Variants in PTPRT observed in about 807,000 individuals in gnomAD.
PTPRT encodes protein tyrosine phosphatase receptor type T.
PTPRT carries 56 observed loss-of-function variants against 176.8 expected under a neutral mutation model. The observed-to-expected ratio is 0.32, with a 90% CI of 0.26 to 0.40. The LOEUF is 0.40. Among genes scored for constraint, PTPRT ranks in the 10% least tolerant of loss-of-function variants. The pLI is 1.00. For missense variants in PTPRT, 1,540 were observed against 1,908.2 expected (o/e 0.81, Z 3.60); for synonymous variants, 783 against 739.0 (o/e 1.06, Z -0.96).
chr20:42,702,957 T>G (rs1031188044), intron 6 of PTPRT, among the ~76,000 whole-genome samples: 1 of 152,170 alleles, frequency 6.6e-6, no homozygotes, highest in Admixed American at 6.5e-5. Context: ...CCCTATCCCA[T>G]AGCCAGCCCA....
At chr20:42,394,194 G>T (rs574303978) in intron 9 of PTPRT, among the ~76,000 whole-genome samples, 1 of 151,964 alleles carries the variant, frequency 6.6e-6, no homozygotes, top group Non-Finnish European at 1.5e-5. Flanking sequence ...ACTGATTTGC[G>T]TGGTATTTAC....
intron 8 of PTPRT, among the ~76,000 whole-genome samples, chr20:42,460,212 G>A (rs1237314046): frequency 2.0e-5 from 3 of 152,160 alleles, no homozygotes; most frequent in African/African-American, 7.2e-5. Context: ...ATTAACATAT[G>A]GATGGATTTT....
downstream of PTPRT, among the ~76,000 whole-genome samples, chr20:42,068,241 G>A (rs1982161766): frequency 6.6e-6 from 1 of 152,186 alleles, no homozygotes; most frequent in Non-Finnish European, 1.5e-5. Context: ...GAGCTGCAGA[G>A]CCTGTCTGAG....
chr20:42,067,188 T>G, the PTPRT span, among the ~76,000 whole-genome samples: 1 of 152,206 alleles, frequency 6.6e-6, no homozygotes, highest in South Asian at 2.1e-4. Context: ...TGTGCTGTTA[T>G]TTTTCTTTAG....
intron 1 of PTPRT, among the ~76,000 whole-genome samples, chr20:43,121,899 C>T (rs2013275295): frequency 6.6e-6 from 1 of 152,116 alleles, no homozygotes; most frequent in South Asian, 2.1e-4. Flanking sequence ...ATAAAGTGTT[C>T]TATGAGGACA....
chr20:43,173,364 T>G (rs1412748817), intron 1 of PTPRT, among the ~76,000 whole-genome samples: 1 of 152,182 alleles, frequency 6.6e-6, no homozygotes, highest in Non-Finnish European at 1.5e-5. Flanking sequence ...AAATCAGAGA[T>G]AAAATTATGC....
intron 2 of PTPRT, among the ~76,000 whole-genome samples, chr20:42,797,494 C>G (rs6030479): frequency 1.3e-5 from 2 of 152,110 alleles, no homozygotes; most frequent in African/African-American, 4.8e-5. Context: ...CTTACACATC[C>G]TGACCCCCAC....
chr20:42,388,374 C>A (rs1394224148), intron 9 of PTPRT, among the ~76,000 whole-genome samples: 3 of 152,166 alleles, frequency 2.0e-5, no homozygotes, highest in Non-Finnish European at 4.4e-5. Flanking sequence ...GCAACCTACT[C>A]ATCTGACAAA....
chr20:42,819,750 A>T (rs912143778), intron 2 of PTPRT, among the ~76,000 whole-genome samples: 1 of 152,036 alleles, frequency 6.6e-6, no homozygotes, highest in South Asian at 2.1e-4. Context: ...AATAAAAAAA[A>T]ATAAAAAAGC....
At chr20:42,320,239 C>T (rs950910518) in intron 11 of PTPRT, among the ~76,000 whole-genome samples, 2 of 152,146 alleles carry the variant, frequency 1.3e-5, no homozygotes, top group African/African-American at 4.8e-5. Context: ...ACCCTCAGAA[C>T]CTCTCCATAG....
chr20:42,214,151 G>A (rs1217496147), intron 15 of PTPRT, among the ~76,000 whole-genome samples: 1 of 152,156 alleles, frequency 6.6e-6, no homozygotes, highest in Non-Finnish European at 1.5e-5. Context: ...CAGAGGCAGA[G>A]CTAGGATTCA....
chr20:42,084,763 G>A lies in PTPRT; in HGVS notation c.4055C>T (p.Ser1352Phe), dbSNP rs1983703867. Reference sequence around the variant, plus strand: ...CAGTCGTCGGACCACTTTGAGCAGAGAGCGCTTGGAGGGGGGCGTGTCCCG... The same window carrying A: ...CAGTCGTCGGACCACTTTGAGCAGAAAGCGCTTGGAGGGGGGCGTGTCCCG... Reference protein sequence around the residue: ...AYRDTPPSKRSLLKVVRRLEK... With the variant: ...AYRDTPPSKRFLLKVVRRLEK... The change falls in exon 29 of 31, where the codon TCT becomes TTT. Residue 1352 changes from serine (S) to phenylalanine (F), a missense_variant. Around this residue, in one of 11 missense-constraint regions of PTPRT, gnomAD observed 342 missense variants for 394.0 expected, o/e 0.87. Coordinates refer to ENST00000373187, the MANE Select transcript of PTPRT (RefSeq NM_007050.6). 1.3e-6 allele frequency: 2 copies of A among 1,563,604 alleles called. No individual in the cohort carries two copies. The highest frequency in any genetic ancestry group is 8.7e-7 in the Non-Finnish European group (1 of 1,151,078).
At chr20:42,051,652 C>A in the PTPRT span, among the ~76,000 whole-genome samples, 1 of 152,230 alleles carries the variant, frequency 6.6e-6, no homozygotes, top group South Asian at 2.1e-4. Flanking sequence ...TTTTGGGGAA[C>A]AAGGGGGAGA....
At chr20:42,758,199 T>C (rs913534480) in intron 5 of PTPRT, among the ~76,000 whole-genome samples, 1 of 152,240 alleles carries the variant, frequency 6.6e-6, no homozygotes, top group Non-Finnish European at 1.5e-5. Flanking sequence ...CCTTATGACT[T>C]ATGATTCTCA....
At chr20:42,104,133 GAGCATA>G (rs112631564) in intron 25 of PTPRT, among the ~76,000 whole-genome samples, 76 of 152,300 alleles carry the variant, frequency 5.0e-4, no homozygotes, top group African/African-American at 1.8e-3. Flanking sequence ...TTTCGATCAT[GAGCATA>G]GAACCCTCAT....
At chr20:42,050,536 A>G in the PTPRT span, among the ~76,000 whole-genome samples, 1 of 152,188 alleles carries the variant, frequency 6.6e-6, no homozygotes, top group East Asian at 1.9e-4. Context: ...GCTGTCTCCC[A>G]CAATGGACCA....
At chr20:42,333,930 C>A (rs2058004424) in intron 11 of PTPRT, among the ~76,000 whole-genome samples, 1 of 152,160 alleles carries the variant, frequency 6.6e-6, no homozygotes, top group East Asian at 1.9e-4. Context: ...ACCCGCCCAC[C>A]TTGGCTTCAC....
At chr20:43,026,512 T>C (rs1190497880) in intron 1 of PTPRT, among the ~76,000 whole-genome samples, 1 of 152,198 alleles carries the variant, frequency 6.6e-6, no homozygotes. Flanking sequence ...AGGCATGCAA[T>C]GCATAACAAT....
intron 21 of PTPRT, among the ~76,000 whole-genome samples, chr20:42,116,755 T>G (rs994267487): frequency 6.6e-6 from 1 of 151,978 alleles, no homozygotes; most frequent in Non-Finnish European, 1.5e-5. Flanking sequence ...CCTATGATGG[T>G]TGTAGGTTTC....
Sources: allele counts gnomAD v4.1 joint callset (sites outside exome capture counted in the v4.1 genomes callset), GRCh38; gene constraint gnomAD v4.1.1; regional missense constraint gnomAD v4.1.1; transcripts MANE v1.5; gene names NCBI Gene and HGNC (gene_info 2026-07-23, HGNC 2026-07-21).